PRMT7: variants seen among roughly 807,000 people sequenced by gnomAD.
PRMT7 encodes protein arginine N-methyltransferase 7.
In PRMT7, 75 loss-of-function variants were observed where a neutral mutation model predicts 85.4. The ratio of observed to expected loss-of-function variants is 0.88; its 90% confidence interval spans 0.73 to 1.06. The LOEUF is 1.06. PRMT7 is among the 50% of genes least tolerant of loss of function. PRMT7 has a pLI of 0.00. For missense variants in PRMT7, 868 were observed against 915.2 expected, an observed-to-expected ratio of 0.95 and a Z score of 0.67; for synonymous variants, 397 against 359.5, an observed-to-expected ratio of 1.10 and a Z score of -1.18.
Position 68,356,737 on chromosome 16 carries a change from G to GT in PRMT7, c.1849dup (p.Tyr617LeufsTer83), listed in dbSNP as rs1201849341. ...GCCACGCAGCGGTGCTATGGATGGAGTACCACCTGACCCCGGAGTGCACGC... is the reference window on the plus strand; with the variant it reads ...GCCACGCAGCGGTGCTATGGATGGAGTTACCACCTGACCCCGGAGTGCACGC... On this transcript the variant is annotated frameshift_variant, in exon 18 of 19. Coordinates refer to ENST00000441236, the MANE Select transcript of PRMT7 (RefSeq NM_019023.5). LOFTEE classifies it high-confidence loss of function. The GT allele has an allele frequency of 6.2e-7, 1 of 1,611,794 alleles. No individual in the cohort carries two copies.
At position 68,355,718 on chromosome 16, in the gene PRMT7, C is replaced by A; in HGVS notation, c.1651-5C>A. On this transcript the variant is annotated splice_region_variant and splice_polypyrimidine_tract_variant and intron_variant, in intron 16 of 18. Coordinates refer to ENST00000441236, the MANE Select transcript of PRMT7 (RefSeq NM_019023.5). The stretch of plus-strand genomic sequence containing the variant: ...TGCAGCCCCCAGGCCCCCTTCTGTT[C>A]GCAGCGTGCCCTGGACTTCAGGGAG... 6.3e-7 allele frequency: 1 copy of A among 1,576,836 alleles called. No homozygotes were observed. The highest frequency in any genetic ancestry group is 8.6e-7 in the Non-Finnish European group (1 of 1,158,100).
intron 9 of PRMT7, among the ~76,000 whole-genome samples, chr16:68,342,319 C>G (rs1237018671): frequency 6.6e-6 from 1 of 152,134 alleles, no homozygotes; most frequent in Non-Finnish European, 1.5e-5. Flanking sequence ...AACCAAATGT[C>G]TCCCAAAGTT....
intron 2 of PRMT7, among the ~76,000 whole-genome samples, chr16:68,313,124 C>G (rs1313095952): frequency 6.6e-6 from 1 of 152,194 alleles, no homozygotes; most frequent in Admixed American, 6.5e-5. Context: ...CGTGCCTGGG[C>G]TGTTCCAGGT....
intron 7 of PRMT7, among the ~76,000 whole-genome samples, chr16:68,338,650 T>C (rs572316223): frequency 1.3e-5 from 2 of 152,212 alleles, no homozygotes; most frequent in East Asian, 1.9e-4. Flanking sequence ...TGGGAGATGC[T>C]TCGCAGGGAG....
At chr16:68,345,838 C>G in intron 10 of PRMT7, 36 bp downstream of exon 10, 1 of 1,611,830 alleles carries the variant, frequency 6.2e-7, no homozygotes, top group Non-Finnish European at 8.5e-7. Flanking sequence ...GGATGAGCCT[C>G]TGAGACTTGT....
At chr16:68,322,831 G>C (rs7186390) in intron 4 of PRMT7, among the ~76,000 whole-genome samples, 20,851 of 151,960 alleles carry the variant, frequency 0.14, 1,539 homozygotes, top group African/African-American at 0.18. Context: ...AGGAGATCGA[G>C]ACCATCCTGG....
chr16:68,354,501 A>C (rs1004856081), intron 16 of PRMT7: 1 of 152,278 alleles, frequency 6.6e-6, no homozygotes, highest in Admixed American at 6.5e-5. Context: ...ATTTTCCCAT[A>C]GTGAACATGG....
intron 12 of PRMT7, 133 bp from the exon 13 acceptor site, chr16:68,347,498 A>T: frequency 9.1e-7 from 1 of 1,098,894 alleles, no homozygotes; most frequent in South Asian, 1.5e-5. Flanking sequence ...AGGCTGCCCC[A>T]GGGAGGGAAT....
At chr16:68,316,828 G>A (rs1209995949) in intron 3 of PRMT7, 1 of 152,212 alleles carries the variant, frequency 6.6e-6, no homozygotes, top group Admixed American at 6.5e-5. Flanking sequence ...TGCCAGCATT[G>A]TGCTAAGGCT....
intron 6 of PRMT7, among the ~76,000 whole-genome samples, chr16:68,333,935 T>C (rs1180090475): frequency 6.6e-6 from 1 of 152,096 alleles, no homozygotes; most frequent in East Asian, 1.9e-4. Context: ...ACCACCTGGC[T>C]AATTTTTGTA....
intron 5 of PRMT7, among the ~76,000 whole-genome samples, chr16:68,326,904 C>G (rs542994784): frequency 1.7e-4 from 26 of 152,232 alleles, no homozygotes; most frequent in African/African-American, 6.3e-4. Flanking sequence ...AGTCAGAAGG[C>G]AGCAGGGGTG....
chr16:68,320,778 A>T (rs374523452), intron 3 of PRMT7, among the ~76,000 whole-genome samples: 9 of 152,286 alleles, frequency 5.9e-5, no homozygotes, highest in African/African-American at 1.7e-4. Flanking sequence ...TTTCTGCAGC[A>T]CTAGAGAATA....
intron 11 of PRMT7, among the ~76,000 whole-genome samples, chr16:68,346,532 GT>G (rs1187402553): frequency 4.6e-5 from 7 of 151,588 alleles, no homozygotes; most frequent in African/African-American, 1.5e-4. Flanking sequence ...CCTTTGCCTT[GT>G]CAGACACAGT....
intron 9 of PRMT7, among the ~76,000 whole-genome samples, chr16:68,342,853 T>C (rs569298465): frequency 1.3e-5 from 2 of 152,238 alleles, no homozygotes; most frequent in South Asian, 4.1e-4. Flanking sequence ...AGAGTTGAGA[T>C]TGGCACCGCG....
rs2085172864 is a variant in PRMT7 at position 68,339,317 on chromosome 16, C to T, written c.505-5C>T. 1.2e-6 allele frequency: 2 copies of T among 1,613,076 alleles called. No individual in the cohort carries two copies. Among genetic ancestry groups the T allele is most frequent in the Non-Finnish European group, 1.7e-6 (2 of 1,179,166 alleles). ...TGTTTGGTTTTGTTTTTAATATAAA[C>T]TTAGGAAAATTGTGAGGCCGTGCCC... On this transcript the variant is annotated splice_polypyrimidine_tract_variant and splice_region_variant and intron_variant, in intron 7 of 18. Coordinates refer to ENST00000441236, the MANE Select transcript of PRMT7 (RefSeq NM_019023.5).
chr16:68,311,348 C>T (rs370008057), intron 1 of PRMT7: 7 of 296,954 alleles, frequency 2.4e-5, no homozygotes, highest in Non-Finnish European at 4.6e-5. Flanking sequence ...CTGGCGCCTC[C>T]CCTCAGCCAC....
In PRMT7 at chr16:68,325,415, T is replaced by C. The variant is rs148306404; in HGVS notation, c.282+583T>C. Reference sequence around the variant, plus strand: ...ACTAATCAGTATATGAACTCAGTTTTGTAGGGGAAAGTATTTAAATACATG... The same window carrying C: ...ACTAATCAGTATATGAACTCAGTTTCGTAGGGGAAAGTATTTAAATACATG... On this transcript the variant is annotated intron_variant, in intron 5 of 18. Coordinates refer to ENST00000441236, the MANE Select transcript of PRMT7 (RefSeq NM_019023.5). 2.8e-3 allele frequency among the ~76,000 whole-genome samples: 433 copies of C among 152,300 alleles called. 5 individuals are homozygous for C. Among genetic ancestry groups the C allele is most frequent in the African/African-American group, 0.01 (420 of 41,546 alleles).
chr16:68,312,462 T>A (rs2044012386), intron 2 of PRMT7, among the ~76,000 whole-genome samples: 1 of 152,018 alleles, frequency 6.6e-6, no homozygotes, highest in Non-Finnish European at 1.5e-5. Flanking sequence ...GGTCTGGAAC[T>A]CCCAGACTCG....
chr16:68,324,769 T>C lies in PRMT7; in HGVS notation c.219T>C (p.Thr73=). ...AGGCCTTGGTTCTCGACATTGGCACTGGCACGGGACTCTTGTCAATGATGG... is the reference window on the plus strand; with the variant it reads ...AGGCCTTGGTTCTCGACATTGGCACCGGCACGGGACTCTTGTCAATGATGG... ...GQKALVLDIG[T]GTGLLSMMAV... Residue 73 remains threonine (T), a synonymous_variant, in exon 5 of 19, where the codon ACT becomes ACC. Coordinates refer to ENST00000441236, the MANE Select transcript of PRMT7 (RefSeq NM_019023.5). 5.0e-6 allele frequency: 8 copies of C among 1,614,066 alleles called. No individual in the cohort carries two copies. The highest frequency in any genetic ancestry group is 6.8e-6 in the Non-Finnish European group (8 of 1,179,972).
Sources: gnomAD v4.1 joint callset for allele counts (sites outside exome capture counted in the v4.1 genomes callset) on GRCh38, gnomAD v4.1.1 for gene constraint, MANE v1.5 for transcripts, NCBI Gene and HGNC (gene_info 2026-07-23, HGNC 2026-07-21) for gene names.